SOX6: variants seen among roughly 807,000 people sequenced by gnomAD.
SOX6 encodes SRY-box transcription factor 6.
Under a neutral mutation model 97.8 loss-of-function variants are expected in SOX6, and 11 were observed. The observed-to-expected ratio is 0.11, with a 90% CI of 0.07 to 0.19. SOX6 has a LOEUF of 0.19. Among genes scored for constraint, SOX6 ranks in the 10% least tolerant of loss-of-function variants. The probability of loss-of-function intolerance (pLI) is 1.00; values close to 1 mark genes in which losing one functional copy is unlikely to be tolerated. For synonymous variants in SOX6, 360 were observed against 371.4 expected (o/e 0.97, Z 0.35); for missense variants, 810 against 1,039.5 (o/e 0.78, Z 3.04).
intron 6 of SOX6, among the ~76,000 whole-genome samples, chr11:16,150,005 G>T (rs1429759917): frequency 6.6e-6 from 1 of 152,156 alleles, no homozygotes; most frequent in Non-Finnish European, 1.5e-5. Flanking sequence ...TTAAATTAGG[G>T]AGTTTGGAAG....
chr11:16,373,819 GAGA>G (rs1857559740), intron 1 of SOX6, among the ~76,000 whole-genome samples: 1 of 120,152 alleles, frequency 8.3e-6, no homozygotes, highest in East Asian at 2.9e-4. Flanking sequence ...GAGGGAGGGA[GAGA>G]GGAAGGAAGG....
intron 3 of SOX6, among the ~76,000 whole-genome samples, chr11:16,256,424 T>G (rs551880584): frequency 3.3e-5 from 5 of 152,042 alleles, no homozygotes; most frequent in Admixed American, 6.6e-5. Context: ...ATGGAATACA[T>G]CACACATCAA....
intron 3 of SOX6, among the ~76,000 whole-genome samples, chr11:16,260,988 T>G (rs1205325276): frequency 6.6e-6 from 1 of 152,184 alleles, no homozygotes; most frequent in Non-Finnish European, 1.5e-5. Flanking sequence ...CTCCTCCCTC[T>G]GTCTGAAACA....
At chr11:16,244,580 T>A (rs1354591842) in intron 3 of SOX6, among the ~76,000 whole-genome samples, 1 of 151,796 alleles carries the variant, frequency 6.6e-6, no homozygotes, top group Non-Finnish European at 1.5e-5. Context: ...TATTTAGGTC[T>A]ATGATCAATT....
chr11:16,106,840 T>C (rs1849099942), intron 7 of SOX6, among the ~76,000 whole-genome samples: 1 of 151,978 alleles, frequency 6.6e-6, no homozygotes, highest in South Asian at 2.1e-4. Context: ...TTGTAAATGA[T>C]ATATCTGATA....
At chr11:16,056,209 T>C (rs956091579) in intron 9 of SOX6, among the ~76,000 whole-genome samples, 12 of 152,116 alleles carry the variant, frequency 7.9e-5, no homozygotes, top group Non-Finnish European at 1.5e-4. Flanking sequence ...AAGTAGCCTC[T>C]AAGATGCTTT....
chr11:16,371,906 G>A (rs939574324), intron 1 of SOX6, among the ~76,000 whole-genome samples: 3 of 151,944 alleles, frequency 2.0e-5, no homozygotes, highest in South Asian at 2.1e-4. Context: ...AGGGTTGCTC[G>A]ACCTGTAATA....
At chr11:16,001,866 A>G (rs941529728) in intron 13 of SOX6, among the ~76,000 whole-genome samples, 1 of 152,174 alleles carries the variant, frequency 6.6e-6, no homozygotes, top group African/African-American at 2.4e-5. Flanking sequence ...TAGAAACTCC[A>G]TTCTCTTTAA....
At chr11:16,545,457 C>A (rs1273394943) in intron 4 of SOX6, among the ~76,000 whole-genome samples, 2 of 151,946 alleles carry the variant, frequency 1.3e-5, no homozygotes, top group African/African-American at 4.8e-5. Flanking sequence ...AAAGTATATA[C>A]CTTAATGTAA....
Position 16,721,496 on chromosome 11 carries a change from T to TTCTGTC in SOX6, n.354-6597_354-6592dup, listed in dbSNP as rs1192157479. Among the ~76,000 whole-genome samples the TTCTGTC allele has an allele frequency of 9.6e-3, 1,105 of 115,222 alleles. 64 individuals carry two copies. Among genetic ancestry groups the TTCTGTC allele is most frequent in the African/African-American group, 0.034 (1,057 of 30,758 alleles). 75.6% of individuals were successfully genotyped at this position (115,222 alleles called of 152,430 possible). ...AGTGTCACTGCAATGGGTGGGTCTT[T>TTCTGTC]TCTGTCTCTCTCTCTCTCTCTCTCT... On this transcript the variant is annotated intron_variant and non_coding_transcript_variant, in intron 2 of 5. Transcript: ENST00000524520.
chr11:16,603,768 A>T (rs959253194), intron 4 of SOX6, among the ~76,000 whole-genome samples: 1 of 152,102 alleles, frequency 6.6e-6, no homozygotes, highest in South Asian at 2.1e-4. Context: ...CCCTCTTACC[A>T]ATAGTTGAAC....
intron 7 of SOX6, among the ~76,000 whole-genome samples, chr11:16,107,123 C>A (rs1333102446): frequency 6.6e-6 from 1 of 151,724 alleles, no homozygotes; most frequent in Non-Finnish European, 1.5e-5. Context: ...AAATTGGAAC[C>A]CTCTTACATT....
At chr11:16,331,502 G>A (rs1283068515) in intron 2 of SOX6, among the ~76,000 whole-genome samples, 1 of 152,072 alleles carries the variant, frequency 6.6e-6, no homozygotes, top group East Asian at 1.9e-4. Flanking sequence ...TAAGTTTGAG[G>A]ATTTCACTGA....
At chr11:16,352,540 T>C (rs1195287751) in intron 1 of SOX6, among the ~76,000 whole-genome samples, 26 of 152,146 alleles carry the variant, frequency 1.7e-4, no homozygotes. Flanking sequence ...TCATACCTAG[T>C]AAATACAGAG....
intron 3 of SOX6, among the ~76,000 whole-genome samples, chr11:16,672,594 A>G (rs1027426779): frequency 1.3e-5 from 2 of 152,100 alleles, no homozygotes; most frequent in East Asian, 3.9e-4. Context: ...GTCATATCTC[A>G]TGAGACTAAG....
chr11:16,132,110 A>G (rs984240886), intron 6 of SOX6, among the ~76,000 whole-genome samples: 2 of 151,622 alleles, frequency 1.3e-5, no homozygotes, highest in Non-Finnish European at 2.9e-5. Flanking sequence ...ATATGAGATG[A>G]CTGTGATTAA....
At chr11:16,304,552 C>A (rs1206295159) in intron 3 of SOX6, among the ~76,000 whole-genome samples, 1 of 152,092 alleles carries the variant, frequency 6.6e-6, no homozygotes, top group Admixed American at 6.5e-5. Flanking sequence ...TAATGCCACA[C>A]AGAAAGCAAT....
At chr11:16,625,625 T>A (rs1437344418) in intron 3 of SOX6, among the ~76,000 whole-genome samples, 1 of 152,180 alleles carries the variant, frequency 6.6e-6, no homozygotes, top group Non-Finnish European at 1.5e-5. Flanking sequence ...AGCTTTGAAA[T>A]TTTAGTCCTA....
chr11:16,223,353 C>T (rs903987525), intron 4 of SOX6, among the ~76,000 whole-genome samples: 11 of 152,004 alleles, frequency 7.2e-5, no homozygotes, highest in African/African-American at 2.7e-4. Context: ...GAAAATGCTA[C>T]AAAAATGGGA....
Sources: allele counts gnomAD v4.1 joint callset (sites outside exome capture counted in the v4.1 genomes callset), GRCh38; gene constraint gnomAD v4.1.1; transcripts MANE v1.5; gene names NCBI Gene and HGNC (gene_info 2026-07-23, HGNC 2026-07-21).